Variants in CALCA observed in about 807,000 individuals in gnomAD.
CALCA encodes the protein calcitonin related polypeptide alpha, also known as calcitonin.
A neutral mutation model predicts 6.9 loss-of-function variants in CALCA; 4 were observed. The ratio of observed to expected loss-of-function variants is 0.58; its 90% CI spans 0.29 to 1.33. The LOEUF is 1.33. Ranked by LOEUF, CALCA falls within the 40% of genes most tolerant of loss-of-function variation. The pLI is 0.09. For synonymous variants in CALCA, 78 were observed against 70.0 expected, an observed-to-expected ratio of 1.11 and a Z score of -0.57; for missense variants, 174 against 178.3, an observed-to-expected ratio of 0.98 and a Z score of 0.14.
Position 14,969,944 on chromosome 11 carries a change from T to A in CALCA, c.218A>T (p.Glu73Val), listed in dbSNP as rs372562088. Residue 73 changes from glutamate (E) to valine (V), a missense_variant, in exon 3 of 4, where the codon GAG (glutamate) becomes GTG (valine). By Grantham distance (121) the Glu-to-Val change is moderately radical. Transcript: ENST00000331587. ...GCTTGGGGAGCCTCACCTGGAGCCC[T>A]CTCTCTCTTGCTCCTGCTCCAGCTC... ...ASELEQEQEREGSSLDSPRSK... is the reference protein window; with the variant it reads ...ASELEQEQERVGSSLDSPRSK... 27 of 1,612,608 alleles carry A rather than the reference T, an allele frequency of 1.7e-5. No individual in the cohort carries two copies. The highest frequency in any genetic ancestry group is 2.3e-5 in the Non-Finnish European group (27 of 1,179,806).
intron 1 of CALCA, 136 bp downstream of exon 1, chr11:14,972,107 TAA>T (rs1219591363): frequency 6.6e-6 from 1 of 152,246 alleles, no homozygotes; most frequent in Non-Finnish European, 1.5e-5. Flanking sequence ...GAGCCTGGTA[TAA>T]ATCGCGGACT....
chr11:14,969,146 C>G, intron 3 of CALCA, 149 bp from the exon 4 acceptor site: 1 of 743,822 alleles, frequency 1.3e-6, no homozygotes, highest in East Asian at 2.6e-5. Context: ...ATTAGGAGAG[C>G]TCAGAGGTGC....
At chr11:14,966,842 G>C (rs1354823034), downstream of CALCA, 1 of 152,648 alleles carries the variant, frequency 6.6e-6, no homozygotes, top group Admixed American at 6.5e-5. Context: ...AATGTCAATA[G>C]GGTGGCTGAC....
intron 2 of CALCA, among the ~76,000 whole-genome samples, 172 bp from the exon 3 acceptor site, chr11:14,970,247 G>A (rs1384007714): frequency 6.6e-6 from 1 of 152,236 alleles, no homozygotes; most frequent in African/African-American, 2.4e-5. Context: ...GCACTGGTGT[G>A]GCCTCTAAAC....
rs35996804 is a variant in CALCA, at chr11:14,969,872, T to C, written c.227+63A>G. On this transcript the variant is annotated intron_variant, in intron 3 of 3. Coordinates refer to ENST00000331587, the MANE Select transcript of CALCA (RefSeq NM_001741.3). ...GTGTGTTCTCTCCTACCTCTCGGGA[T>C]CCACCTTCCTGTGTATGCTGCGGGG... is the stretch of plus-strand genomic sequence containing the variant. 1,162 of 1,610,880 alleles carry C rather than the reference T, an allele frequency of 7.2e-4. 7 individuals are homozygous for C. The African/African-American group carries it at 9.0e-3, about 12-fold the overall frequency.
intron 1 of CALCA, among the ~76,000 whole-genome samples, chr11:14,971,426 C>T (rs1276628650): frequency 1.3e-5 from 2 of 152,098 alleles, no homozygotes; most frequent in Non-Finnish European, 2.9e-5. Context: ...GCTGGAGGAG[C>T]GATCCTAGAG....
intron 1 of CALCA, among the ~76,000 whole-genome samples, chr11:14,971,628 G>A (rs1849608102): frequency 1.3e-5 from 2 of 152,138 alleles, no homozygotes; most frequent in Admixed American, 1.3e-4. Context: ...GGAGGGGTGG[G>A]ATCTATCCAC....
rs782791059 is a variant in CALCA, at chr11:14,971,097, G to T, written c.86+10C>A. Reference sequence around the variant, plus strand: ...GATACCAGTGTGGTTCTGGCTTCAGGCTGTCTTACCTGAATGGTGCTGCAT... The same window carrying T: ...GATACCAGTGTGGTTCTGGCTTCAGTCTGTCTTACCTGAATGGTGCTGCAT... On this transcript the variant is annotated intron_variant, in intron 2 of 3. Transcript: ENST00000331587. The T allele has an allele frequency of 5.6e-6, 9 of 1,611,870 alleles. No homozygotes were observed. Among genetic ancestry groups the T allele is most frequent in the Non-Finnish European group, 7.6e-6 (9 of 1,178,096 alleles).
chr11:14,971,153 T>C lies in CALCA; in HGVS notation c.40A>G (p.Ile14Val). 6.2e-7 allele frequency: 1 copy of C among 1,614,132 alleles called. No homozygotes were observed. The highest frequency in any genetic ancestry group is 2.2e-5 in the East Asian group (1 of 44,862). ...CTGCCTGCCTGCAACAGGACCAAGA[T>C]GCTGAGAGCCAGGAAGGGGGAGAAC... The part of the protein sequence containing the change: ...QKFSPFLALS[I>V]LVLLQAGSLH... Residue 14 changes from isoleucine to valine, a missense_variant, in exon 2 of 4, where the codon ATC becomes GTC. By Grantham distance (29) the Ile-to-Val change is conservative. Coordinates refer to ENST00000331587, the MANE Select transcript of CALCA (RefSeq NM_001741.3).
chr11:14,967,936 T>C, downstream of CALCA: 1 of 1,535,114 alleles, frequency 6.5e-7, no homozygotes, highest in Admixed American at 1.7e-5. Flanking sequence ...ACCTTCATGG[T>C]AAAGTTGCTG....
At chr11:14,969,111 AG>A in intron 3 of CALCA, 114 bp from the exon 4 acceptor site, 1 of 901,022 alleles carries the variant, frequency 1.1e-6, no homozygotes, top group African/African-American at 1.6e-5. Flanking sequence ...GGCAGGCAGG[AG>A]GGCAGCTCAC....
rs2133580753 is a variant in CALCA at position 14,968,850 on chromosome 11, G to A, written c.375C>T (p.Asp125=). 6.2e-7 allele frequency: 1 copy of A among 1,614,194 alleles called. No homozygotes were observed. The highest frequency in any genetic ancestry group is 2.2e-5 in the East Asian group (1 of 44,880). Residue 125 remains aspartate, a synonymous_variant, in exon 4 of 4, where the codon GAC becomes GAT. Transcript: ENST00000331587. ...CATGAGGGCGATGGTCTCTCTCCAAGTCGCTGGACATATCCCTTTTCTTTC... is the reference window on the plus strand; with the variant it reads ...CATGAGGGCGATGGTCTCTCTCCAAATCGCTGGACATATCCCTTTTCTTTC... The part of the protein sequence containing the change: ...APGKKRDMSS[D]LERDHRPHVS...
At chr11:14,967,912 G>A, downstream of CALCA, 1 of 1,598,452 alleles carries the variant, frequency 6.3e-7, no homozygotes, top group Non-Finnish European at 8.6e-7. Context: ...TGGGAGAGAG[G>A]TCAGCCCCAT....
Position 14,970,067 on chromosome 11 carries a change from A to C in CALCA, c.95T>G (p.Leu32Arg). The change falls in exon 3 of 4, where the codon CTG (leucine) becomes CGG (arginine). Residue 32 changes from leucine to arginine, a missense_variant. By Grantham distance (102) the Leu-to-Arg change is moderately radical (BLOSUM62 -2). Coordinates refer to ENST00000331587, the MANE Select transcript of CALCA (RefSeq NM_001741.3). ...GGCCGGGTCTGCTGGGCTGCTCTCC[A>C]GGGCAGACCTGTGGAGGGGAAGCAA... is the stretch of plus-strand genomic sequence containing the variant. ...SLHAAPFRSA[L>R]ESSPADPATL... The C allele has an allele frequency of 1.2e-6, 2 of 1,614,206 alleles. No individual in the cohort carries two copies. The highest frequency in any genetic ancestry group is 1.7e-6 in the Non-Finnish European group (2 of 1,180,034).
chr11:14,967,244 T>C (rs1460622477), downstream of CALCA: 4 of 187,734 alleles, frequency 2.1e-5, no homozygotes, highest in Non-Finnish European at 4.5e-5. Flanking sequence ...AAACTGAGGC[T>C]TGGAGAGAGT....
intron 3 of CALCA, 135 bp downstream of exon 3, chr11:14,969,800 G>A: frequency 1.5e-6 from 2 of 1,372,036 alleles, no homozygotes; most frequent in East Asian, 4.6e-5. Flanking sequence ...GAGAACAGCT[G>A]GGCCCCAGGT....
At position 14,971,096 on chromosome 11, in the gene CALCA, G is replaced by C; in HGVS notation, c.86+11C>G. On this transcript the variant is annotated intron_variant, in intron 2 of 3. Transcript: ENST00000331587. Reference sequence around the variant, plus strand: ...TGATACCAGTGTGGTTCTGGCTTCAGGCTGTCTTACCTGAATGGTGCTGCA... The same window carrying C: ...TGATACCAGTGTGGTTCTGGCTTCACGCTGTCTTACCTGAATGGTGCTGCA... The C allele has an allele frequency of 6.2e-7, 1 of 1,612,236 alleles. No individual in the cohort carries two copies. Among genetic ancestry groups the C allele is most frequent in the Non-Finnish European group, 8.5e-7 (1 of 1,178,278 alleles).
chr11:14,967,696 C>T, downstream of CALCA: 1 of 1,614,058 alleles, frequency 6.2e-7, no homozygotes, highest in South Asian at 1.1e-5. Flanking sequence ...TTCAGCTGCT[C>T]AGGCTTGAAG....
At chr11:14,967,015 A>G (rs1300990183), downstream of CALCA, 3 of 152,774 alleles carry the variant, frequency 2.0e-5, no homozygotes, top group African/African-American at 7.2e-5. Context: ...CAGTATCAAG[A>G]AGGATGCCTA....
Sources: allele counts gnomAD v4.1 joint callset (sites outside exome capture counted in the v4.1 genomes callset), GRCh38; gene constraint gnomAD v4.1.1; transcripts MANE v1.5; gene names NCBI Gene and HGNC (gene_info 2026-07-23, HGNC 2026-07-21).